Variants in DLEU7 observed in about 807,000 individuals in gnomAD.
DLEU7 encodes the protein deleted in lymphocytic leukemia 7.
Under a neutral mutation model 16.0 loss-of-function variants are expected in DLEU7, and 17 were observed. The ratio of observed to expected loss-of-function variants is 1.06; its 90% CI spans 0.73 to 1.59. The LOEUF (loss-of-function observed/expected upper bound fraction) is 1.59. DLEU7 is among the 40% of genes most tolerant of loss of function. The pLI is 0.00. For synonymous variants in DLEU7, 113 were observed against 139.8 expected (o/e 0.81, Z 1.35); for missense variants, 308 against 314.9 (o/e 0.98, Z 0.17).
chr13:50,824,558 T>C (rs1877020893), intron 1 of DLEU7, among the ~76,000 whole-genome samples: 1 of 152,152 alleles, frequency 6.6e-6, no homozygotes, highest in East Asian at 1.9e-4. Flanking sequence ...ACCAATACTA[T>C]GAAGAAATGA....
At chr13:50,750,237 T>C (rs1466987625) in intron 1 of DLEU7, among the ~76,000 whole-genome samples, 1 of 152,184 alleles carries the variant, frequency 6.6e-6, no homozygotes, top group African/African-American at 2.4e-5. Context: ...TGAAGATCAA[T>C]TGGCTATAAG....
intron 1 of DLEU7, among the ~76,000 whole-genome samples, chr13:50,769,701 A>G (rs1415363423): frequency 6.6e-6 from 1 of 152,150 alleles, no homozygotes; most frequent in Admixed American, 6.5e-5. Context: ...CTTGTAGTAT[A>G]GTTTGAAGTC....
At chr13:50,813,521 C>G (rs968576421) in intron 1 of DLEU7, among the ~76,000 whole-genome samples, 1 of 151,828 alleles carries the variant, frequency 6.6e-6, no homozygotes, top group Non-Finnish European at 1.5e-5. Context: ...AATAGAGATT[C>G]TAGGAGATTT....
intron 1 of DLEU7, among the ~76,000 whole-genome samples, chr13:50,775,081 C>T (rs75259560): frequency 1.3e-3 from 199 of 151,820 alleles, no homozygotes; most frequent in African/African-American, 4.5e-3. Context: ...TTCAACATCT[C>T]GTTATTCTGT....
chr13:50,740,644 A>G (rs948118935), intron 1 of DLEU7, among the ~76,000 whole-genome samples: 4 of 152,158 alleles, frequency 2.6e-5, no homozygotes, highest in Non-Finnish European at 5.9e-5. Context: ...TCTGAAGTCT[A>G]TGGTTCTAAA....
At chr13:50,730,800 A>T (rs1249773640) in intron 1 of DLEU7, among the ~76,000 whole-genome samples, 2 of 152,128 alleles carry the variant, frequency 1.3e-5, no homozygotes, top group Non-Finnish European at 2.9e-5. Flanking sequence ...AGAATTAGAT[A>T]AAAAAAGATG....
chr13:50,841,660 T>C (rs1877662541), intron 1 of DLEU7, among the ~76,000 whole-genome samples: 1 of 151,184 alleles, frequency 6.6e-6, no homozygotes, highest in African/African-American at 2.4e-5. Flanking sequence ...AGCCCAGGGC[T>C]CGAGGCTGTA....
intron 1 of DLEU7, among the ~76,000 whole-genome samples, chr13:50,804,409 G>A (rs1445182212): frequency 1.3e-5 from 2 of 149,362 alleles, no homozygotes; most frequent in Middle Eastern, 3.5e-3. Context: ...AATGTTGTTC[G>A]TTTTATGGGG....
At chr13:50,829,788 G>C (rs953079739) in intron 1 of DLEU7, among the ~76,000 whole-genome samples, 3 of 152,298 alleles carry the variant, frequency 2.0e-5, no homozygotes, top group South Asian at 2.1e-4. Context: ...TAAAACAGGT[G>C]TGTGCTTCTC....
chr13:50,771,978 T>C (rs1875329523), intron 1 of DLEU7, among the ~76,000 whole-genome samples: 1 of 152,330 alleles, frequency 6.6e-6, no homozygotes, highest in Admixed American at 6.5e-5. Flanking sequence ...TTTAGGATAG[T>C]TAGCGCTTCT....
intron 1 of DLEU7, among the ~76,000 whole-genome samples, chr13:50,783,235 T>A (rs1296384267): frequency 1.3e-5 from 2 of 152,210 alleles, no homozygotes; most frequent in Admixed American, 1.3e-4. Context: ...GGTTTCTCCC[T>A]TCCCTATCTC....
intron 1 of DLEU7, among the ~76,000 whole-genome samples, chr13:50,732,606 CAAAAAA>C (rs58395582): frequency 1.1e-4 from 7 of 65,938 alleles, no homozygotes; most frequent in Admixed American, 1.9e-4. Context: ...GACTCCATCT[CAAAAAA>C]AAAAAAAAAA....
At chr13:50,807,242 T>C (rs562485638) in intron 1 of DLEU7, among the ~76,000 whole-genome samples, 1 of 152,234 alleles carries the variant, frequency 6.6e-6, no homozygotes, top group African/African-American at 2.4e-5. Flanking sequence ...ATATCAGAGA[T>C]ATAAAATGAT....
rs185590713 is a variant in DLEU7 at position 50,809,222 on chromosome 13, G to A, written c.459+33966C>T. Among the ~76,000 whole-genome samples the A allele has an allele frequency of 7.2e-5, 11 of 152,174 alleles. No individual in the cohort carries two copies. In the East Asian group the frequency reaches 1.4e-3, roughly 19 times the overall value. ...TACCAGATATTTAGAAAGTAAAACC[G>A]AAGAAATTTATTTCCATGTGTTTTG... On this transcript the variant is annotated intron_variant, in intron 1 of 1. Coordinates refer to the DLEU7 transcript ENST00000400393.
At chr13:50,756,566 G>A (rs971024165) in intron 1 of DLEU7, among the ~76,000 whole-genome samples, 1 of 152,174 alleles carries the variant, frequency 6.6e-6, no homozygotes, top group African/African-American at 2.4e-5. Flanking sequence ...CTCTCACTGT[G>A]ACCCGCTAAC....
At chr13:50,720,648 G>A (rs930635633) in intron 1 of DLEU7, among the ~76,000 whole-genome samples, 1 of 152,156 alleles carries the variant, frequency 6.6e-6, no homozygotes, top group African/African-American at 2.4e-5. Context: ...AACTTATCCT[G>A]TAGACATGTG....
intron 1 of DLEU7, among the ~76,000 whole-genome samples, chr13:50,762,401 A>G (rs1270161420): frequency 6.6e-6 from 1 of 152,154 alleles, no homozygotes. Context: ...ATACAGACTT[A>G]TCATTCTCAG....
intron 1 of DLEU7, among the ~76,000 whole-genome samples, chr13:50,792,242 A>T (rs1593397452): frequency 6.6e-6 from 1 of 152,232 alleles, no homozygotes; most frequent in South Asian, 2.1e-4. Context: ...GCAATGGCTC[A>T]TGTGATTTAG....
intron 1 of DLEU7, among the ~76,000 whole-genome samples, chr13:50,829,219 G>GGT (rs1365945952): frequency 4.6e-5 from 7 of 152,162 alleles, no homozygotes; most frequent in Admixed American, 3.9e-4. Context: ...TAGCTTATGG[G>GGT]GTGGCCTGTG....
Sources: gnomAD v4.1 joint callset for allele counts (sites outside exome capture counted in the v4.1 genomes callset) on GRCh38, gnomAD v4.1.1 for gene constraint, MANE v1.5 for transcripts, NCBI Gene and HGNC (gene_info 2026-07-23, HGNC 2026-07-21) for gene names.